Variants in NEDD4 observed in about 807,000 individuals in gnomAD.
The protein encoded by NEDD4 is NEDD4 E3 ubiquitin protein ligase.
Under a neutral mutation model 144.9 loss-of-function variants are expected in NEDD4, and 99 were observed. That is an observed-to-expected ratio of 0.68 (90% CI 0.58 to 0.81). The LOEUF is 0.81. Ranked by LOEUF, NEDD4 falls within the 30% of genes least tolerant of loss-of-function variation. The probability of loss-of-function intolerance (pLI) is 0.00; values close to 1 mark genes in which losing one functional copy is unlikely to be tolerated. For synonymous variants in NEDD4, 318 were observed against 350.6 expected, an observed-to-expected ratio of 0.91 and a Z score of 1.04; for missense variants, 985 against 1,065.9, an observed-to-expected ratio of 0.92 and a Z score of 1.06.
chr15:55,980,997 T>C (rs1451382537), intron 1 of NEDD4, among the ~76,000 whole-genome samples: 1 of 149,928 alleles, frequency 6.7e-6, no homozygotes, highest in African/African-American at 2.4e-5. Flanking sequence ...AAAAACAAAA[T>C]ATTCAACAAA....
At chr15:55,916,107 T>C in intron 5 of NEDD4, 1 of 1,613,986 alleles carries the variant, frequency 6.2e-7, no homozygotes, top group Non-Finnish European at 8.5e-7. Flanking sequence ...TAATCCATGT[T>C]CCAAGTCATC....
In NEDD4 at chr15:55,923,659, A is replaced by AAAAATAT. The variant is rs546642962; in HGVS notation, c.291+986_291+987insATATTTT. Among the ~76,000 whole-genome samples the AAAAATAT allele has an allele frequency of 5.0e-4, 68 of 135,274 alleles. 1 individual carries two copies. Among genetic ancestry groups the AAAAATAT allele is most frequent in the Middle Eastern group, 3.7e-3 (1 of 268 alleles). 88.7% of individuals were successfully genotyped at this position (135,274 alleles called of 152,430 possible). On this transcript the variant is annotated intron_variant, in intron 5 of 28. Transcript: ENST00000435532. Reference sequence around the variant, plus strand: ...AGACTCCATCTCAAAAAAAAAAAAAAATATATATATATATAGCAAGTCAGT... The same window carrying AAAAATAT: ...AGACTCCATCTCAAAAAAAAAAAAAAAAAATATATATATATATATATAGCAAGTCAGT...
At chr15:55,916,312 T>G in intron 5 of NEDD4, 1 of 1,614,052 alleles carries the variant, frequency 6.2e-7, no homozygotes, top group South Asian at 1.1e-5. Context: ...CTTGTGATAC[T>G]TGCACATGAC....
Position 55,873,941 on chromosome 15 carries a change from T to C in NEDD4, c.342+17A>G. On this transcript the variant is annotated intron_variant, in intron 6 of 28. Transcript: ENST00000435532. ...AAAAATAAGCCCAAAAGGAAAATCA[T>C]GGACACCTATACCAACCGGTAATGG... 6.9e-7 allele frequency: 1 copy of C among 1,449,446 alleles called. No individual in the cohort carries two copies. The highest frequency in any genetic ancestry group is 9.3e-7 in the Non-Finnish European group (1 of 1,080,658). The allele number at this position is 1,449,446 out of a possible 1,614,324, so 89.8% of individuals were successfully genotyped here.
At chr15:55,950,079 T>G (rs2037210438) in intron 4 of NEDD4, among the ~76,000 whole-genome samples, 1 of 152,154 alleles carries the variant, frequency 6.6e-6, no homozygotes, top group African/African-American at 2.4e-5. Flanking sequence ...AACCAACACT[T>G]GTGCCAAAAA....
At chr15:55,861,617 C>T (rs2034410712) in intron 9 of NEDD4, among the ~76,000 whole-genome samples, 1 of 151,928 alleles carries the variant, frequency 6.6e-6, no homozygotes, top group African/African-American at 2.4e-5. Flanking sequence ...ATTATTATGC[C>T]TTGCATGCCT....
chr15:55,850,957 T>C (rs1254062678), intron 13 of NEDD4, among the ~76,000 whole-genome samples: 1 of 152,198 alleles, frequency 6.6e-6, no homozygotes, highest in African/African-American at 2.4e-5. Context: ...TTCCAATAAA[T>C]TATTTTGTAA....
chr15:55,842,227 C>A, intron 18 of NEDD4, 64 bp from the exon 19 acceptor site: 1 of 1,370,674 alleles, frequency 7.3e-7, no homozygotes. Flanking sequence ...ACCCATCTCT[C>A]ATAAAGTTAT....
At chr15:55,988,070 A>C (rs1279900051) in intron 1 of NEDD4, 1 of 150,964 alleles carries the variant, frequency 6.6e-6, no homozygotes, top group African/African-American at 2.4e-5. Flanking sequence ...ACTTGGAACC[A>C]ACCCAAATGT....
rs2032855065 is a variant in NEDD4 at position 55,829,750 on chromosome 15, T to C, written c.*147A>G. ...AGTGATTAAAAATAAGTTGTCGTAC[T>C]ATTTCTTCAAATGCTTTTTATATGA... On this transcript the variant is annotated 3_prime_UTR_variant, in exon 29 of 29. Coordinates refer to ENST00000435532, the MANE Select transcript of NEDD4 (RefSeq NM_006154.4). 3.4e-6 allele frequency: 2 copies of C among 590,808 alleles called. No homozygotes were observed. Among genetic ancestry groups the C allele is most frequent in the African/African-American group, 3.7e-5 (2 of 53,588 alleles). The allele number at this position is 590,808 out of a possible 1,614,324, so 36.6% of individuals were successfully genotyped here. A position where few individuals can be genotyped will look rare whatever the true frequency, so the allele number is the denominator to read the frequency against.
chr15:55,891,824 ATGT>A (rs1397024884), intron 5 of NEDD4, among the ~76,000 whole-genome samples: 1 of 152,214 alleles, frequency 6.6e-6, no homozygotes, highest in Non-Finnish European at 1.5e-5. Flanking sequence ...AGGAGGTCAA[ATGT>A]TGTTAACTTT....
chr15:55,971,287 A>G (rs2037603522), intron 1 of NEDD4, among the ~76,000 whole-genome samples: 1 of 152,126 alleles, frequency 6.6e-6, no homozygotes, highest in Non-Finnish European at 1.5e-5. Flanking sequence ...AAAGTAACAA[A>G]GCATGCCTAC....
Position 55,860,656 on chromosome 15 carries a change from T to A in NEDD4, c.792+5A>T. 6.2e-7 allele frequency: 1 copy of A among 1,613,994 alleles called. No homozygotes were observed. Among genetic ancestry groups the A allele is most frequent in the Non-Finnish European group, 8.5e-7 (1 of 1,179,878 alleles). On this transcript the variant is annotated splice_donor_5th_base_variant and intron_variant, in intron 10 of 28. Transcript: ENST00000435532. ...TTTCAAGGAGAACTAGGAAACTACT[T>A]ATACCTCGGAAGACTCTCGGTTGTC...
intron 5 of NEDD4, among the ~76,000 whole-genome samples, chr15:55,874,514 G>A (rs1171164437): frequency 6.6e-6 from 1 of 152,088 alleles, no homozygotes; most frequent in Non-Finnish European, 1.5e-5. Context: ...AGCCACCAGA[G>A]TTCTTCCAAA....
At chr15:55,915,785 C>G (rs7174459) in intron 5 of NEDD4, 2 of 1,613,330 alleles carry the variant, frequency 1.2e-6, no homozygotes, top group East Asian at 4.5e-5. Context: ...TCTTCTGTAA[C>G]GAGCCCTTCC....
At chr15:55,955,814 ATTTT>A (rs71297639) in intron 2 of NEDD4, among the ~76,000 whole-genome samples, 9 of 130,248 alleles carry the variant, frequency 6.9e-5, no homozygotes, top group Admixed American at 1.6e-4. Context: ...TCTATACTAC[ATTTT>A]TTTTTTTTTT....
At chr15:55,970,702 C>G (rs1207520699) in intron 1 of NEDD4, among the ~76,000 whole-genome samples, 2 of 152,222 alleles carry the variant, frequency 1.3e-5, no homozygotes, top group Non-Finnish European at 2.9e-5. Context: ...TATGAGACTA[C>G]AAGAGTCATA....
chr15:55,981,406 G>C (rs1274993002), intron 1 of NEDD4, among the ~76,000 whole-genome samples: 2 of 151,954 alleles, frequency 1.3e-5, no homozygotes, highest in African/African-American at 4.8e-5. Context: ...ATCACTTACG[G>C]TGACCGTATT....
chr15:55,854,491 G>C (rs1259636097), intron 12 of NEDD4, among the ~76,000 whole-genome samples: 1 of 152,150 alleles, frequency 6.6e-6, no homozygotes, highest in Non-Finnish European at 1.5e-5. Context: ...GTGAAAAACA[G>C]CATGCTAAGT....
Sources: gnomAD v4.1 joint callset for allele counts (sites outside exome capture counted in the v4.1 genomes callset) on GRCh38, gnomAD v4.1.1 for gene constraint, MANE v1.5 for transcripts, NCBI Gene and HGNC (gene_info 2026-07-23, HGNC 2026-07-21) for gene names.